The following ABTB2 variants were observed in gnomAD, a reference collection of about 807,000 sequenced individuals.
ABTB2 encodes the protein ankyrin repeat and BTB/POZ domain-containing protein 2.
A neutral mutation model predicts 104.1 loss-of-function variants in ABTB2; 56 were observed. The observed-to-expected ratio is 0.54, with a 90% confidence interval of 0.43 to 0.67. The LOEUF (loss-of-function observed/expected upper bound fraction) is 0.67, where lower values mean the gene tolerates loss of function less well. ABTB2 is among the 30% of genes least tolerant of loss of function. The pLI is 0.00. For missense variants in ABTB2, 1,279 were observed against 1,407.7 expected (o/e 0.91, Z 1.46); for synonymous variants, 606 against 608.2 (o/e 1.00, Z 0.05).
intron 1 of ABTB2, among the ~76,000 whole-genome samples, chr11:34,339,757 C>T (rs1219318389): frequency 6.6e-6 from 1 of 152,086 alleles, no homozygotes; most frequent in Non-Finnish European, 1.5e-5. Flanking sequence ...ACATATGATT[C>T]CAAGTTATTT....
intron 1 of ABTB2, among the ~76,000 whole-genome samples, chr11:34,291,142 A>G (rs1243001137): frequency 1.3e-5 from 2 of 152,258 alleles, no homozygotes; most frequent in Admixed American, 6.5e-5. Context: ...ATCTAAGTCA[A>G]TGCCACAGCA....
At chr11:34,331,673 A>G (rs1223067659) in intron 1 of ABTB2, among the ~76,000 whole-genome samples, 1 of 152,228 alleles carries the variant, frequency 6.6e-6, no homozygotes, top group African/African-American at 2.4e-5. Context: ...TAAAGTCTTC[A>G]GTTGATAAAT....
intron 1 of ABTB2, among the ~76,000 whole-genome samples, chr11:34,297,766 C>CA (rs1171577510): frequency 0.04 from 634 of 16,000 alleles, 24 homozygotes; most frequent in African/African-American, 0.09. Context: ...AACTCCATCT[C>CA]AAAAAAAAAA....
chr11:34,354,385 A>G (rs947819091), intron 1 of ABTB2, among the ~76,000 whole-genome samples: 1 of 151,570 alleles, frequency 6.6e-6, no homozygotes, highest in African/African-American at 2.4e-5. Context: ...ACATTTTGAG[A>G]GGCCGAGGCA....
At chr11:34,155,285 TG>T (rs879687176) in intron 14 of ABTB2, among the ~76,000 whole-genome samples, 1 of 152,198 alleles carries the variant, frequency 6.6e-6, no homozygotes, top group Non-Finnish European at 1.5e-5. Context: ...GACTCCAATG[TG>T]GAGGTGAGTG....
intron 1 of ABTB2, among the ~76,000 whole-genome samples, chr11:34,214,176 A>ACACACACACACACACACACACAC (rs1853521683): frequency 4.0e-5 from 6 of 150,314 alleles, no homozygotes; most frequent in African/African-American, 1.5e-4. Flanking sequence ...ACACACACAC[A>ACACACACACACACACACACACAC]AAGTAAATGG....
At chr11:34,327,346 A>G (rs915849464) in intron 1 of ABTB2, among the ~76,000 whole-genome samples, 1 of 152,220 alleles carries the variant, frequency 6.6e-6, no homozygotes, top group Non-Finnish European at 1.5e-5. Flanking sequence ...AAAGCATCAA[A>G]GAAGATGATA....
At chr11:34,215,222 C>T (rs1853536584) in intron 1 of ABTB2, among the ~76,000 whole-genome samples, 1 of 152,172 alleles carries the variant, frequency 6.6e-6, no homozygotes. Context: ...AAAGCCAGCG[C>T]AGGGAGTGAC....
chr11:34,267,185 G>C (rs1854262694), intron 1 of ABTB2, among the ~76,000 whole-genome samples: 1 of 152,232 alleles, frequency 6.6e-6, no homozygotes, highest in Admixed American at 6.5e-5. Context: ...GTACTCTGTA[G>C]CTGAGGCCAG....
In ABTB2 at chr11:34,252,001, G is replaced by A. The variant is rs538155531; in HGVS notation, c.884-47311C>T. Among the ~76,000 whole-genome samples the A allele has an allele frequency of 5.9e-5, 9 of 152,156 alleles. No individual in the cohort carries two copies. Among genetic ancestry groups the A allele is most frequent in the Non-Finnish European group, 1.3e-4 (9 of 68,014 alleles). On this transcript the variant is annotated intron_variant, in intron 1 of 16. Coordinates refer to ENST00000435224, the MANE Select transcript of ABTB2 (RefSeq NM_145804.3). This position sits in a 1 kb window ranked among gnomAD's most constrained non-coding sequence, Gnocchi z 5.5. ...GTGTTTAGGGCACTCAGGGATCTAA[G>A]CTGCCAAAGTCAGCCCCACCCCACT...
intron 1 of ABTB2, among the ~76,000 whole-genome samples, chr11:34,350,773 G>C (rs1055937440): frequency 1.3e-5 from 2 of 152,186 alleles, no homozygotes; most frequent in East Asian, 1.9e-4. Context: ...TCTGAATGGG[G>C]CCAAGTACTG....
At chr11:34,314,828 G>A (rs759244906) in intron 1 of ABTB2, among the ~76,000 whole-genome samples, 2 of 152,314 alleles carry the variant, frequency 1.3e-5, no homozygotes, top group South Asian at 4.1e-4. Context: ...CAAGTGTGGA[G>A]CCCTTCTGAG....
At chr11:34,300,793 C>T (rs992902390) in intron 1 of ABTB2, among the ~76,000 whole-genome samples, 4 of 152,160 alleles carry the variant, frequency 2.6e-5, no homozygotes, top group Admixed American at 6.5e-5. Context: ...TGGAGCAACC[C>T]ACTAAGGACT....
chr11:34,258,370 C>CTGA (rs1854148869), intron 1 of ABTB2, among the ~76,000 whole-genome samples: 1 of 152,102 alleles, frequency 6.6e-6, no homozygotes, highest in Non-Finnish European at 1.5e-5. Context: ...GGTACCATCA[C>CTGA]ACCTGTCTTA....
intron 2 of ABTB2, among the ~76,000 whole-genome samples, chr11:34,198,832 C>A (rs1853299763): frequency 6.6e-6 from 1 of 152,250 alleles, no homozygotes; most frequent in South Asian, 2.1e-4. Context: ...CACCTCCGCT[C>A]TAAGAAAAGC....
chr11:34,295,166 A>AGACGAAATAG lies in ABTB2; in HGVS notation c.883+61534_883+61535insCTATTTCGTC, dbSNP rs542232505. Among the ~76,000 whole-genome samples the AGACGAAATAG allele has an allele frequency of 5.1e-3, 782 of 152,338 alleles. 9 individuals carry two copies. Among genetic ancestry groups the AGACGAAATAG allele is most frequent in the African/African-American group, 0.018 (748 of 41,566 alleles). ...ATCACTGCACTTTCGTCTGGGCAACAGAGCAAGATCCTATCCTTAAAAATT... is the reference window on the plus strand; with the variant it reads ...ATCACTGCACTTTCGTCTGGGCAACAGACGAAATAGGAGCAAGATCCTATCCTTAAAAATT... On this transcript the variant is annotated intron_variant, in intron 1 of 16. Transcript: ENST00000435224.
chr11:34,264,449 G>A (rs2133076437), intron 1 of ABTB2, among the ~76,000 whole-genome samples: 1 of 152,338 alleles, frequency 6.6e-6, no homozygotes, highest in East Asian at 1.9e-4. Context: ...TGGAAATGTT[G>A]CTTCATGGCC....
At chr11:34,173,927 G>C (rs1014555809) in intron 3 of ABTB2, among the ~76,000 whole-genome samples, 1 of 152,174 alleles carries the variant, frequency 6.6e-6, no homozygotes, top group Non-Finnish European at 1.5e-5. Flanking sequence ...ATGCATATTA[G>C]GCTGTTGTAC....
chr11:34,341,129 A>T (rs1360156955), intron 1 of ABTB2, among the ~76,000 whole-genome samples: 4 of 152,222 alleles, frequency 2.6e-5, no homozygotes, highest in Non-Finnish European at 5.9e-5. Context: ...CTGTGTGCCA[A>T]GCCTTATGCT....
Sources: gnomAD v4.1 joint callset for allele counts (sites outside exome capture counted in the v4.1 genomes callset) on GRCh38, gnomAD v4.1.1 for gene constraint, Gnocchi (gnomAD v3.1) non-coding constraint, MANE v1.5 for transcripts, NCBI Gene and HGNC (gene_info 2026-07-23, HGNC 2026-07-21) for gene names.